Variants in CACNA2D3 observed in about 807,000 individuals in gnomAD.
The protein encoded by CACNA2D3 is calcium voltage-gated channel auxiliary subunit alpha2delta 3.
In CACNA2D3, 60 loss-of-function variants were observed where a neutral mutation model predicts 160.6. That is an observed-to-expected ratio of 0.37 (90% CI 0.30 to 0.46). The LOEUF is 0.46. Ranked by LOEUF, CACNA2D3 falls within the 20% of genes least tolerant of loss-of-function variation. CACNA2D3 has a pLI of 1.00. For synonymous variants in CACNA2D3, 558 were observed against 492.9 expected (o/e 1.13, Z -1.75); for missense variants, 1,205 against 1,365.0 (o/e 0.88, Z 1.85).
At chr3:54,650,146 T>G (rs1350421450) in intron 11 of CACNA2D3, among the ~76,000 whole-genome samples, 1 of 152,208 alleles carries the variant, frequency 6.6e-6, no homozygotes, top group Non-Finnish European at 1.5e-5. Flanking sequence ...CTAATTTTTT[T>G]TTTTAGGGTG....
chr3:54,307,154 T>C (rs1426649777), intron 2 of CACNA2D3, among the ~76,000 whole-genome samples: 1 of 152,160 alleles, frequency 6.6e-6, no homozygotes, highest in East Asian at 1.9e-4. Flanking sequence ...TGGGTTCTTT[T>C]GTATTTGAAC....
chr3:54,627,659 A>G, intron 9 of CACNA2D3, 128 bp from the exon 10 acceptor site: 1 of 671,986 alleles, frequency 1.5e-6, no homozygotes, highest in Non-Finnish European at 2.7e-6. Context: ...TGTAGAAGGA[A>G]AAAGTAAATT....
intron 13 of CACNA2D3, among the ~76,000 whole-genome samples, chr3:54,803,442 C>T (rs941196138): frequency 3.9e-5 from 6 of 152,056 alleles, no homozygotes; most frequent in Non-Finnish European, 8.8e-5. Context: ...ATGTGATCAA[C>T]TGGAAGAAAG....
intron 8 of CACNA2D3, among the ~76,000 whole-genome samples, chr3:54,574,314 T>G (rs1389734371): frequency 6.6e-6 from 1 of 152,126 alleles, no homozygotes; most frequent in Non-Finnish European, 1.5e-5. Flanking sequence ...GGAAAGAGAT[T>G]TAAATAGTGG....
intron 2 of CACNA2D3, among the ~76,000 whole-genome samples, chr3:54,126,208 C>G (rs1424103275): frequency 6.6e-6 from 1 of 152,128 alleles, no homozygotes; most frequent in Non-Finnish European, 1.5e-5. Flanking sequence ...GAAGTTTAGT[C>G]ATTTTTGCAC....
chr3:55,054,738 T>G (rs573290527), intron 35 of CACNA2D3, among the ~76,000 whole-genome samples: 166 of 152,112 alleles, frequency 1.1e-3, no homozygotes, highest in African/African-American at 3.9e-3. Flanking sequence ...TGTACAAGTT[T>G]CTTCACATGC....
At chr3:54,131,752 G>T (rs951920617) in intron 2 of CACNA2D3, among the ~76,000 whole-genome samples, 2 of 150,078 alleles carry the variant, frequency 1.3e-5, no homozygotes, top group South Asian at 4.2e-4. Context: ...CCCTAGGGAG[G>T]TGGATTTTTT....
At chr3:54,998,131 T>C (rs1437183910) in intron 31 of CACNA2D3, among the ~76,000 whole-genome samples, 5 of 150,120 alleles carry the variant, frequency 3.3e-5, no homozygotes, top group Non-Finnish European at 7.4e-5. Flanking sequence ...TTAATTCTTT[T>C]TTTTTTTTTT....
intron 8 of CACNA2D3, among the ~76,000 whole-genome samples, chr3:54,580,039 T>A (rs1421757584): frequency 2.0e-5 from 3 of 152,106 alleles, no homozygotes; most frequent in Non-Finnish European, 4.4e-5. Context: ...GAGGACCTGT[T>A]GTGAGTGGCA....
At chr3:54,512,967 C>T (rs7428361) in intron 5 of CACNA2D3, among the ~76,000 whole-genome samples, 85,590 of 151,936 alleles carry the variant, frequency 0.56, 25,159 homozygotes, top group Non-Finnish European at 0.65. Flanking sequence ...GAGCTTGTGC[C>T]GGGAAACTCC....
intron 35 of CACNA2D3, among the ~76,000 whole-genome samples, chr3:55,037,444 C>T (rs1255959224): frequency 2.0e-5 from 3 of 152,164 alleles, no homozygotes; most frequent in Non-Finnish European, 2.9e-5. Context: ...CTCCCTCAGA[C>T]ATCAGTGGCA....
intron 6 of CACNA2D3, among the ~76,000 whole-genome samples, chr3:54,566,606 C>G (rs73841661): frequency 0.012 from 1,820 of 152,280 alleles, 33 homozygotes; most frequent in African/African-American, 0.041. Flanking sequence ...GTCTATACAT[C>G]ACAGACAGGT....
chr3:54,824,838 C>T (rs926019054), intron 14 of CACNA2D3, among the ~76,000 whole-genome samples: 1 of 152,270 alleles, frequency 6.6e-6, no homozygotes, highest in East Asian at 1.9e-4. Context: ...CAGCATTATA[C>T]CTTGTTTAAT....
intron 23 of CACNA2D3, among the ~76,000 whole-genome samples, chr3:54,887,073 C>T (rs1016931795): frequency 2.0e-5 from 3 of 151,742 alleles, no homozygotes; most frequent in Non-Finnish European, 4.4e-5. Flanking sequence ...TCCTTGGCCT[C>T]TTCCACAGAG....
chr3:55,072,260 T>G (rs1270142462), intron 35 of CACNA2D3, among the ~76,000 whole-genome samples: 1 of 152,188 alleles, frequency 6.6e-6, no homozygotes, highest in Admixed American at 6.5e-5. Flanking sequence ...CTGTGGAATA[T>G]TAGATGGGCA....
intron 11 of CACNA2D3, among the ~76,000 whole-genome samples, chr3:54,677,628 G>T (rs1170772231): frequency 6.8e-6 from 1 of 147,468 alleles, no homozygotes; most frequent in African/African-American, 2.5e-5. Flanking sequence ...TTTGGGGGGG[G>T]GGCAACGTAC....
chr3:54,348,934 G>T (rs1698503402), intron 3 of CACNA2D3, among the ~76,000 whole-genome samples: 1 of 152,068 alleles, frequency 6.6e-6, no homozygotes, highest in South Asian at 2.1e-4. Flanking sequence ...CACTATGTTG[G>T]CCAGGCTGGT....
chr3:54,479,815 T>C (rs1700903421), intron 4 of CACNA2D3, among the ~76,000 whole-genome samples: 1 of 152,350 alleles, frequency 6.6e-6, no homozygotes, highest in South Asian at 2.1e-4. Flanking sequence ...AAATATTTTA[T>C]AGTAAAGCAT....
At chr3:54,787,425 A>G (rs1702662765) in intron 13 of CACNA2D3, among the ~76,000 whole-genome samples, 1 of 152,216 alleles carries the variant, frequency 6.6e-6, no homozygotes. Flanking sequence ...CTTCACATGA[A>G]ACTGGAAGGT....
Sources: gnomAD v4.1 joint callset for allele counts (sites outside exome capture counted in the v4.1 genomes callset) on GRCh38, gnomAD v4.1.1 for gene constraint, MANE v1.5 for transcripts, NCBI Gene and HGNC (gene_info 2026-07-23, HGNC 2026-07-21) for gene names.